The following GLUD1 variants were observed in gnomAD, a reference collection of about 807,000 sequenced individuals.
GLUD1 encodes glutamate dehydrogenase 1.
A neutral mutation model predicts 56.0 loss-of-function variants in GLUD1; 22 were observed. The observed-to-expected ratio is 0.39, with a 90% confidence interval of 0.28 to 0.56. GLUD1 has a LOEUF of 0.56. GLUD1 is among the 20% of genes least tolerant of loss of function. The pLI is 0.58. For synonymous variants in GLUD1, 223 were observed against 269.9 expected (o/e 0.83, Z 1.70); for missense variants, 451 against 732.0 (o/e 0.62, Z 4.43).
At chr10:87,082,673 TCATA>T (rs2133845431) in intron 1 of GLUD1, among the ~76,000 whole-genome samples, 1 of 152,340 alleles carries the variant, frequency 6.6e-6, no homozygotes, top group South Asian at 2.1e-4. Flanking sequence ...AACCAGTGAT[TCATA>T]CATGTTTTTA....
chr10:87,094,052 T>G lies in GLUD1; in HGVS notation c.445+273A>C. The G allele has an allele frequency of 2.0e-6, 3 of 1,506,824 alleles. No homozygotes were observed. Among genetic ancestry groups the G allele is most frequent in the Non-Finnish European group, 2.7e-6 (3 of 1,128,626 alleles). The allele number at this position is 1,506,824 out of a possible 1,614,324, so 93.3% of individuals were successfully genotyped here. A position where few individuals can be genotyped will look rare whatever the true frequency, so the allele number is the denominator to read the frequency against. ...GACACCGGGACCAAAAGGAGACCGG[T>G]GCAGCGTCTACTCTGCATGCAAGAT... On this transcript the variant is annotated intron_variant, in intron 1 of 12. Transcript: ENST00000277865. This position sits in a 1 kb window ranked among gnomAD's most constrained non-coding sequence, Gnocchi z 6.6.
At chr10:87,069,202 A>C (rs998231018) in intron 4 of GLUD1, among the ~76,000 whole-genome samples, 3 of 152,108 alleles carry the variant, frequency 2.0e-5, no homozygotes, top group African/African-American at 7.2e-5. Flanking sequence ...TTACAAAACG[A>C]AAAACGCAAC....
At chr10:87,055,531 A>G (rs956008070) in intron 11 of GLUD1, among the ~76,000 whole-genome samples, 3 of 152,164 alleles carry the variant, frequency 2.0e-5, no homozygotes, top group Non-Finnish European at 4.4e-5. Flanking sequence ...CTTCCGATGC[A>G]CTGCTAGCCA....
chr10:87,070,686 CGTA>C (rs1846209207), intron 4 of GLUD1, among the ~76,000 whole-genome samples: 2 of 152,020 alleles, frequency 1.3e-5, no homozygotes, highest in Non-Finnish European at 2.9e-5. Flanking sequence ...ATCAGAAACA[CGTA>C]ATGATAAAAT....
At chr10:87,062,283 C>T (rs1198191074) in intron 6 of GLUD1, among the ~76,000 whole-genome samples, 1 of 152,350 alleles carries the variant, frequency 6.6e-6, no homozygotes, top group East Asian at 1.9e-4. Flanking sequence ...CATGTTAACA[C>T]ATGAAACAAA....
At chr10:87,071,129 A>C (rs1846227487) in intron 4 of GLUD1, among the ~76,000 whole-genome samples, 1 of 139,402 alleles carries the variant, frequency 7.2e-6, no homozygotes, top group Non-Finnish European at 1.5e-5. Flanking sequence ...ACTCTGTCTC[A>C]AAACAAAAAC....
Position 87,094,114 on chromosome 10 carries a change from AG to A in GLUD1, c.445+210del. 5 of 1,494,172 alleles carry A rather than the reference AG, an allele frequency of 3.3e-6. No homozygotes were observed. The highest frequency in any genetic ancestry group is 4.5e-6 in the Non-Finnish European group (5 of 1,121,560). The allele number at this position is 1,494,172 out of a possible 1,614,324, so 92.6% of individuals were successfully genotyped here. Reference sequence around the variant, plus strand: ...GAGGCCCGGGGTGACGGCGCGGGGGAGGGGGCAGGCCAATCGCATGATGATT... The same window carrying A: ...GAGGCCCGGGGTGACGGCGCGGGGGAGGGGCAGGCCAATCGCATGATGATT... On this transcript the variant is annotated intron_variant, in intron 1 of 12. Transcript: ENST00000277865. The surrounding 1 kb of genome is among the most constrained non-coding windows in gnomAD (Gnocchi z 6.6).
chr10:87,073,979 T>C (rs554480603), intron 4 of GLUD1, among the ~76,000 whole-genome samples: 4 of 152,250 alleles, frequency 2.6e-5, no homozygotes, highest in East Asian at 3.9e-4. Flanking sequence ...TAAGTAGTTA[T>C]GCATATTCTA....
At chr10:87,062,556 TTGAGA>T in intron 6 of GLUD1, 95 bp downstream of exon 6, 1 of 960,648 alleles carries the variant, frequency 1.0e-6, no homozygotes, top group South Asian at 1.5e-5. Flanking sequence ...TTTAAGAGAT[TTGAGA>T]TAACTTAATT....
At chr10:87,054,712 G>C (rs1845720024) in intron 11 of GLUD1, among the ~76,000 whole-genome samples, 1 of 152,202 alleles carries the variant, frequency 6.6e-6, no homozygotes, top group African/African-American at 2.4e-5. Flanking sequence ...GGGGAAGTGG[G>C]ATTAAGATTT....
chr10:87,092,690 A>G (rs908125183), intron 1 of GLUD1: 3 of 673,908 alleles, frequency 4.5e-6, no homozygotes, highest in Non-Finnish European at 3.7e-6. Context: ...CAGAGACCAA[A>G]TCATCCTGCA....
chr10:87,072,921 AACTCATATTAACTTACGT>A, intron 4 of GLUD1, among the ~76,000 whole-genome samples: 1 of 152,224 alleles, frequency 6.6e-6, no homozygotes, highest in South Asian at 2.1e-4. Context: ...CGAGATAGTT[AACTCATATTAACTTACGT>A]TAACAGACTC....
chr10:87,062,785 T>A lies in GLUD1; in HGVS notation c.792A>T (p.Gly264=). Residue 264 remains glycine, a synonymous_variant, in exon 6 of 13, where the codon GGA becomes GGT. Transcript: ENST00000277865. ...CVTGKPISQG[G]IHGRISATGR... is the part of the protein sequence containing the mutation. ...CAGTAGCAGAGATGCGTCCATGGAT[T>A]CCCCCTTGGCTGATGGGTTTACCAG... 1 of 1,614,140 alleles carries A rather than the reference T, an allele frequency of 6.2e-7. No individual in the cohort carries two copies. Among genetic ancestry groups the A allele is most frequent in the Non-Finnish European group, 8.5e-7 (1 of 1,180,004 alleles).
Position 87,057,733 on chromosome 10 carries a change from A to G in GLUD1, c.1452T>C (p.Thr484=), listed in dbSNP as rs566646935. The change falls in exon 11 of 13, where the codon ACT becomes ACC. Residue 484 remains threonine, a synonymous_variant. Transcript: ENST00000277865. ...ACTCTGCCGTGGGTACAATGGGAAT[A>G]GTTCCACCATGCTTTCCAAATTTTC... ...LERKFGKHGG[T]IPIVPTAEFQ... 1.9e-5 allele frequency: 30 copies of G among 1,600,160 alleles called. No homozygotes were observed. The African/African-American group carries it at 3.5e-4, about 19-fold the overall frequency.
chr10:87,072,053 G>A (rs769186647), intron 4 of GLUD1, among the ~76,000 whole-genome samples: 13 of 152,206 alleles, frequency 8.5e-5, no homozygotes, highest in Non-Finnish European at 1.5e-4. Flanking sequence ...TGGGAAGACT[G>A]CTTGAGCTCA....
intron 1 of GLUD1, among the ~76,000 whole-genome samples, chr10:87,083,785 C>T (rs1437316290): frequency 6.6e-6 from 1 of 151,556 alleles, no homozygotes; most frequent in Non-Finnish European, 1.5e-5. Flanking sequence ...TGTTTAAGAC[C>T]AGCCTGGACA....
chr10:87,065,272 CAAAAAAAAAAA>C (rs59540767), intron 5 of GLUD1, among the ~76,000 whole-genome samples: 4,030 of 60,990 alleles, frequency 0.066, 224 homozygotes, highest in African/African-American at 0.21. Flanking sequence ...GACTCCGTCT[CAAAAAAAAAAA>C]AAAAAAAAAA....
In GLUD1 at chr10:87,094,257, G is replaced by T; in HGVS notation, c.445+68C>A. On this transcript the variant is annotated intron_variant, in intron 1 of 12. Transcript: ENST00000277865. This position sits in a 1 kb window ranked among gnomAD's most constrained non-coding sequence, Gnocchi z 6.6. ...TGGGCTGAGCAGCGGCCCCGCACCG[G>T]CAGGAGGCCGGAGGGGAGGGCCGCA... The T allele has an allele frequency of 6.5e-7, 1 of 1,527,948 alleles. No homozygotes were observed. The highest frequency in any genetic ancestry group is 8.8e-7 in the Non-Finnish European group (1 of 1,129,986). The allele number at this position is 1,527,948 out of a possible 1,614,324, so 94.6% of individuals were successfully genotyped here. A position where few individuals can be genotyped will look rare whatever the true frequency, so the allele number is the denominator to read the frequency against.
intron 1 of GLUD1, chr10:87,093,866 A>G (rs1841616741): frequency 2.5e-6 from 3 of 1,187,618 alleles, no homozygotes; most frequent in South Asian, 2.5e-5. Context: ...ATCATCTGTC[A>G]CTATTGGAAC....
Sources: allele counts gnomAD v4.1 joint callset (sites outside exome capture counted in the v4.1 genomes callset), GRCh38; gene constraint gnomAD v4.1.1; non-coding constraint Gnocchi (gnomAD v3.1); transcripts MANE v1.5; gene names NCBI Gene and HGNC (gene_info 2026-07-23, HGNC 2026-07-21).